The following UGGT1 variants were observed in gnomAD, a reference collection of about 807,000 sequenced individuals.
UGGT1 encodes the protein UDP-glucose:glycoprotein glucosyltransferase 1.
A neutral mutation model predicts 203.9 loss-of-function variants in UGGT1; 107 were observed. The ratio of observed to expected loss-of-function variants is 0.52; its 90% CI spans 0.45 to 0.62. UGGT1 has a LOEUF of 0.62. UGGT1 is among the 20% of genes least tolerant of loss of function. UGGT1 has a pLI of 0.00. For missense variants in UGGT1, 1,673 were observed against 1,867.2 expected (o/e 0.90, Z 1.92); for synonymous variants, 628 against 653.5 (o/e 0.96, Z 0.59).
At chr2:128,148,566 G>T (rs970912639) in intron 18 of UGGT1, among the ~76,000 whole-genome samples, 7 of 152,198 alleles carry the variant, frequency 4.6e-5, no homozygotes, top group Admixed American at 1.3e-4. Flanking sequence ...CAACCAGGCA[G>T]TTGGCAACTC....
intron 11 of UGGT1, among the ~76,000 whole-genome samples, chr2:128,123,537 C>T (rs1164781510): frequency 6.6e-6 from 1 of 152,184 alleles, no homozygotes; most frequent in Non-Finnish European, 1.5e-5. Context: ...TCTGATATTT[C>T]TCTCCAGAAT....
intron 4 of UGGT1, among the ~76,000 whole-genome samples, chr2:128,109,112 G>T (rs185644996): frequency 2.0e-5 from 3 of 151,998 alleles, no homozygotes; most frequent in Non-Finnish European, 4.4e-5. Context: ...GGCTGGTCTC[G>T]ATCTCCTGAC....
At position 128,176,886 on chromosome 2, in the gene UGGT1, T is replaced by C; in HGVS notation, c.3612T>C (p.Ile1204=). The C allele has an allele frequency of 6.2e-7, 1 of 1,614,048 alleles. No individual in the cohort carries two copies. The highest frequency in any genetic ancestry group is 2.2e-5 in the East Asian group (1 of 44,874). Residue 1204 remains isoleucine (I), a synonymous_variant, in exon 32 of 41, where the codon ATT becomes ATC. Transcript: ENST00000259253. ...TCCTCAACAACTTCAAAAGCAAAAT[T>C]ATTAAAGTGAAGGTGAGTTTGGTAA... is the stretch of plus-strand genomic sequence containing the variant. ...VIVLNNFKSK[I]IKVKVQKKAD...
intron 33 of UGGT1, 42 bp downstream of exon 33, chr2:128,177,962 G>A (rs1558823521): frequency 6.6e-7 from 1 of 1,519,188 alleles, no homozygotes; most frequent in East Asian, 2.4e-5. Context: ...AGGAAAAACT[G>A]AGATATAAGC....
intron 32 of UGGT1, among the ~76,000 whole-genome samples, chr2:128,177,526 A>G (rs1040592989): frequency 2.6e-5 from 4 of 151,748 alleles, no homozygotes; most frequent in Non-Finnish European, 4.4e-5. Context: ...CTGTTGACTC[A>G]TTGAATCGTG....
chr2:128,112,048 G>A (rs1310890956), intron 5 of UGGT1, among the ~76,000 whole-genome samples: 1 of 151,822 alleles, frequency 6.6e-6, no homozygotes, highest in Non-Finnish European at 1.5e-5. Flanking sequence ...GGTCGAGGCT[G>A]CAGTGAGCTG....
chr2:128,133,991 T>C (rs1689007343), intron 14 of UGGT1, among the ~76,000 whole-genome samples: 1 of 151,988 alleles, frequency 6.6e-6, no homozygotes, highest in African/African-American at 2.4e-5. Flanking sequence ...TCCTCAGAAC[T>C]TGCAGGGAAG....
In UGGT1 at chr2:128,143,207, T is replaced by C; in HGVS notation, c.1833T>C (p.Ala611=). The C allele has an allele frequency of 1.9e-6, 3 of 1,613,754 alleles. No homozygotes were observed. Among genetic ancestry groups the C allele is most frequent in the Non-Finnish European group, 2.5e-6 (3 of 1,179,836 alleles). Residue 611 remains alanine (A), a synonymous_variant, in exon 17 of 41, where the codon GCT becomes GCC. Coordinates refer to ENST00000259253, the MANE Select transcript of UGGT1 (RefSeq NM_020120.4). ...EVNSILGIDS[A]YDRNRKEARG... ...ATAGCATTTTGGGGATTGATTCTGCTTATGATCGGAATCGGAAGGTAAAAA... is the reference window on the plus strand; with the variant it reads ...ATAGCATTTTGGGGATTGATTCTGCCTATGATCGGAATCGGAAGGTAAAAA...
intron 10 of UGGT1, among the ~76,000 whole-genome samples, chr2:128,121,753 G>A (rs766577626): frequency 9.9e-5 from 15 of 152,190 alleles, no homozygotes; most frequent in Non-Finnish European, 1.5e-5. Context: ...TGCAGATGGT[G>A]CTCTGTGTCT....
chr2:128,091,381 C>A lies in UGGT1; in HGVS notation c.24C>A (p.Ser8Arg). Reference protein sequence around the residue: MGCKGDASGACAAGALPV... With the variant: MGCKGDARGACAAGALPV... ...GCATGGGCTGCAAGGGAGACGCGAG[C>A]GGTGCGTGTGCCGCGGGTGCGCTGC... The change falls in exon 1 of 41, where the codon AGC (serine) becomes AGA (arginine). Residue 8 changes from serine (S) to arginine (R), a missense_variant. Coordinates refer to ENST00000259253, the MANE Select transcript of UGGT1 (RefSeq NM_020120.4). The A allele has an allele frequency of 6.3e-7, 1 of 1,575,220 alleles. No individual in the cohort carries two copies. Among genetic ancestry groups the A allele is most frequent in the Non-Finnish European group, 8.6e-7 (1 of 1,160,598 alleles).
chr2:128,098,630 G>T (rs1217170779), intron 2 of UGGT1, among the ~76,000 whole-genome samples: 1 of 151,820 alleles, frequency 6.6e-6, no homozygotes, highest in Non-Finnish European at 1.5e-5. Context: ...CGTGCCTATA[G>T]TCCCAGCTAC....
Position 128,182,177 on chromosome 2 carries a change from T to C in UGGT1, c.4131T>C (p.Gly1377=), listed in dbSNP as rs372901551. 326 of 1,614,056 alleles carry C rather than the reference T, an allele frequency of 2.0e-4. No homozygotes were observed. The highest frequency in any genetic ancestry group is 2.7e-4 in the Non-Finnish European group (315 of 1,180,022). The part of the protein sequence containing the change: ...LKELRDFNLD[G]APYGYTPFCD... ...AGTTAAGAGATTTCAATTTGGATGG[T>C]GCTCCTTATGGTTACACTCCTTTCT... The change falls in exon 37 of 41, where the codon GGT becomes GGC. Residue 1377 remains glycine, a synonymous_variant. Coordinates refer to ENST00000259253, the MANE Select transcript of UGGT1 (RefSeq NM_020120.4).
In UGGT1 at chr2:128,189,657, A is replaced by G. The variant is rs57794581; in HGVS notation, c.4643-60A>G. ...TTCCAGTGATGAAAAATGCCCACTC[A>G]GTGGTGTTTGTAATTTGAAGATCAT... On this transcript the variant is annotated intron_variant, in intron 40 of 40. Transcript: ENST00000259253. The G allele has an allele frequency of 9.1e-4, 1,429 of 1,564,998 alleles. 9 individuals carry two copies. The African/African-American group carries it at 0.014, about 16-fold the overall frequency.
At position 128,129,037 on chromosome 2, in the gene UGGT1, A is replaced by T. The variant is rs1347249327; in HGVS notation, c.1235A>T (p.Asp412Val). 6 of 1,588,394 alleles carry T rather than the reference A, an allele frequency of 3.8e-6. No homozygotes were observed. The highest frequency in any genetic ancestry group is 5.1e-6 in the Non-Finnish European group (6 of 1,171,396). ...LDTQDIFSLF[D>V]VLRNEARVME... Reference sequence around the variant, plus strand: ...TTTGTTTTTCCCCCCAGTCTGTTTGATGTGTTGAGGAATGAAGCTCGGGTA... The same window carrying T: ...TTTGTTTTTCCCCCCAGTCTGTTTGTTGTGTTGAGGAATGAAGCTCGGGTA... Residue 412 changes from aspartate to valine, a missense_variant, in exon 13 of 41, where the codon GAT (aspartate) becomes GTT (valine). Physicochemically the swap from Asp to Val is radical, Grantham distance 152 (BLOSUM62 -3). Coordinates refer to ENST00000259253, the MANE Select transcript of UGGT1 (RefSeq NM_020120.4).
chr2:128,107,794 G>A (rs1164105894), intron 3 of UGGT1, 144 bp from the exon 4 acceptor site: 2 of 1,105,906 alleles, frequency 1.8e-6, no homozygotes, highest in East Asian at 2.4e-5. Flanking sequence ...GGAGTTTTAA[G>A]CATTTGTTGA....
chr2:128,103,898 ATTAAG>A, intron 2 of UGGT1, 29 bp from the exon 3 acceptor site: 1 of 1,506,234 alleles, frequency 6.6e-7, no homozygotes, highest in Non-Finnish European at 9.0e-7. Flanking sequence ...AGAAAATTTT[ATTAAG>A]TTGTTTTATT....
At chr2:128,118,334 C>T (rs765642218) in intron 8 of UGGT1, among the ~76,000 whole-genome samples, 19 of 152,112 alleles carry the variant, frequency 1.2e-4, no homozygotes, top group African/African-American at 2.9e-4. Flanking sequence ...GGCACAATCA[C>T]GGCTCACTGC....
intron 5 of UGGT1, among the ~76,000 whole-genome samples, chr2:128,112,454 T>TATATATATA (rs1553433490): frequency 5.0e-4 from 28 of 55,808 alleles, no homozygotes; most frequent in African/African-American, 1.4e-3. Context: ...AAATACTATG[T>TATATATATA]TATATATATA....
intron 25 of UGGT1, 67 bp downstream of exon 25, chr2:128,161,335 A>G (rs1690520367): frequency 6.4e-7 from 1 of 1,564,436 alleles, no homozygotes; most frequent in East Asian, 2.3e-5. Flanking sequence ...ATCAGTTAGA[A>G]TTATATGTTG....
Sources: allele counts gnomAD v4.1 joint callset (sites outside exome capture counted in the v4.1 genomes callset), GRCh38; gene constraint gnomAD v4.1.1; transcripts MANE v1.5; gene names NCBI Gene and HGNC (gene_info 2026-07-23, HGNC 2026-07-21).